EYA2: variants seen among roughly 807,000 people sequenced by gnomAD.
The protein encoded by EYA2 is protein phosphatase EYA2.
In EYA2, 31 loss-of-function variants were observed where a neutral mutation model predicts 69.2. The ratio of observed to expected loss-of-function variants is 0.45; its 90% CI spans 0.34 to 0.60. The LOEUF (loss-of-function observed/expected upper bound fraction) is 0.60, where lower values mean the gene tolerates loss of function less well. Among genes scored for constraint, EYA2 ranks in the 20% least tolerant of loss-of-function variants. The probability of loss-of-function intolerance (pLI) is 0.02; values close to 1 mark genes in which losing one functional copy is unlikely to be tolerated. For missense variants in EYA2, 622 were observed against 701.2 expected (o/e 0.89, Z 1.28); for synonymous variants, 257 against 279.4 (o/e 0.92, Z 0.80).
intron 9 of EYA2, among the ~76,000 whole-genome samples, chr20:47,108,357 G>T (rs1006757365): frequency 1.3e-5 from 2 of 152,060 alleles, no homozygotes; most frequent in Non-Finnish European, 2.9e-5. Flanking sequence ...CATGTGATCT[G>T]CACATGCTGG....
At chr20:47,029,385 G>A (rs1017374821) in intron 5 of EYA2, among the ~76,000 whole-genome samples, 1 of 152,242 alleles carries the variant, frequency 6.6e-6, no homozygotes, top group African/African-American at 2.4e-5. Context: ...TACTTTGATG[G>A]GCAGCCATGG....
At chr20:47,062,484 G>A (rs2030930188) in intron 5 of EYA2, among the ~76,000 whole-genome samples, 1 of 152,200 alleles carries the variant, frequency 6.6e-6, no homozygotes, top group East Asian at 1.9e-4. Flanking sequence ...GGAAGGCATG[G>A]CATCAGGCTC....
Position 47,068,158 on chromosome 20 carries a change from C to A in EYA2, c.416-4027C>A, listed in dbSNP as rs557330974. Among the ~76,000 whole-genome samples, 22 of 152,344 alleles carry A rather than the reference C, an allele frequency of 1.4e-4. No individual in the cohort carries two copies. The South Asian group carries it at 2.5e-3, about 17-fold the overall frequency. ...GAACATGGGAATGGCAATTATATAC[C>A]TTCCTCTCAGGATCGATGTGAGGAT... On this transcript the variant is annotated intron_variant, in intron 5 of 15. Coordinates refer to ENST00000327619, the MANE Select transcript of EYA2 (RefSeq NM_005244.5).
intron 3 of EYA2, 81 bp downstream of exon 3, chr20:47,001,554 C>G (rs1224991242): frequency 7.0e-7 from 1 of 1,429,406 alleles, no homozygotes; most frequent in African/African-American, 1.4e-5. Context: ...AGAGAGGGCC[C>G]TGGAGCCAGA....
chr20:47,057,908 C>T (rs960535069), intron 5 of EYA2, among the ~76,000 whole-genome samples: 2 of 152,206 alleles, frequency 1.3e-5, no homozygotes, highest in African/African-American at 2.4e-5. Context: ...CCTGCTCCAC[C>T]CCTTCCCAGG....
chr20:47,089,442 G>C (rs2032004983), intron 8 of EYA2, 61 bp downstream of exon 8: 1 of 1,541,652 alleles, frequency 6.5e-7, no homozygotes. Flanking sequence ...GCCCAAACAA[G>C]AGTGGGGACA....
Position 47,135,841 on chromosome 20 carries a change from ACAAACAAAC to A in EYA2, c.889-7217_889-7209del, listed in dbSNP as rs749552327. ...TACAAAAAAAAAAAAAAAAAAAAAA[ACAAACAAAC>A]AAACAAAAAACTAATTAATTAATTA... On this transcript the variant is annotated intron_variant, in intron 9 of 15. Coordinates refer to ENST00000327619, the MANE Select transcript of EYA2 (RefSeq NM_005244.5). Among the ~76,000 whole-genome samples the A allele has an allele frequency of 1.6e-3, 135 of 82,232 alleles. 9 individuals carry two copies. The highest frequency in any genetic ancestry group is 7.1e-3 in the African/African-American group (121 of 17,112). 53.9% of individuals were successfully genotyped at this position (82,232 alleles called of 152,430 possible).
At chr20:47,016,860 C>T (rs779382031) in intron 5 of EYA2, among the ~76,000 whole-genome samples, 7 of 152,218 alleles carry the variant, frequency 4.6e-5, no homozygotes, top group African/African-American at 7.2e-5. Flanking sequence ...GGCGCAATCA[C>T]ACATGGCCTT....
In EYA2 at chr20:46,929,645, A is replaced by G. The variant is rs1392450960; in HGVS notation, c.-11+34658A>G. On this transcript the variant is annotated intron_variant, in intron 1 of 15. Coordinates refer to ENST00000327619, the MANE Select transcript of EYA2 (RefSeq NM_005244.5). Reference sequence around the variant, plus strand: ...ACACAGGACTTGAGCAGAGGCTCATAAACACTGGGCCTTGTGCAGGGTCCG... The same window carrying G: ...ACACAGGACTTGAGCAGAGGCTCATGAACACTGGGCCTTGTGCAGGGTCCG... 2.6e-5 allele frequency among the ~76,000 whole-genome samples: 4 copies of G among 152,218 alleles called. No individual in the cohort carries two copies. In the East Asian group the frequency reaches 7.7e-4, roughly 29 times the overall value.
At chr20:46,920,655 C>T (rs1018075218) in intron 1 of EYA2, among the ~76,000 whole-genome samples, 1 of 152,234 alleles carries the variant, frequency 6.6e-6, no homozygotes, top group Non-Finnish European at 1.5e-5. Context: ...TCCCCTCTGA[C>T]TTCTTTCCAA....
intron 1 of EYA2, among the ~76,000 whole-genome samples, chr20:46,987,958 CTCTCTCTATATATATA>C (rs1981370049): frequency 3.0e-5 from 1 of 33,778 alleles, no homozygotes; most frequent in South Asian, 1.4e-3. Flanking sequence ...CTCTCTCTCT[CTCTCTCTATATATATA>C]TATATATATA....
intron 9 of EYA2, among the ~76,000 whole-genome samples, chr20:47,138,373 T>C (rs2033524584): frequency 6.6e-6 from 1 of 152,236 alleles, no homozygotes; most frequent in East Asian, 1.9e-4. Context: ...TTCTAAAGGC[T>C]CATCATATAA....
chr20:46,896,180 G>C (rs1272987482), intron 1 of EYA2, among the ~76,000 whole-genome samples: 3 of 152,192 alleles, frequency 2.0e-5, no homozygotes, highest in African/African-American at 7.2e-5. Flanking sequence ...CAAACATCAT[G>C]TAAGAATTTG....
intron 2 of EYA2, among the ~76,000 whole-genome samples, chr20:46,991,813 C>T (rs898072091): frequency 6.6e-6 from 1 of 151,732 alleles, no homozygotes; most frequent in Non-Finnish European, 1.5e-5. Flanking sequence ...ATTAAAAATG[C>T]AAAAATTAGA....
At chr20:46,941,054 C>T (rs1280646359) in intron 1 of EYA2, among the ~76,000 whole-genome samples, 1 of 152,242 alleles carries the variant, frequency 6.6e-6, no homozygotes, top group Non-Finnish European at 1.5e-5. Flanking sequence ...CTTCCCAGAG[C>T]CCGAGCCTGC....
At chr20:47,185,401 A>G (rs2868848) in intron 15 of EYA2, among the ~76,000 whole-genome samples, 3 of 148,086 alleles carry the variant, frequency 2.0e-5, no homozygotes, top group South Asian at 4.3e-4. Flanking sequence ...CCCAGGTTCA[A>G]GCGATTCTTG....
intron 1 of EYA2, 98 bp from the exon 2 acceptor site, chr20:46,989,903 T>C (rs1312676269): frequency 1.7e-6 from 1 of 595,464 alleles, no homozygotes; most frequent in African/African-American, 1.8e-5. Flanking sequence ...GTTTAGGTAA[T>C]CAGTTGTAAT....
chr20:46,973,250 A>G (rs1368321268), intron 1 of EYA2, among the ~76,000 whole-genome samples: 1 of 152,250 alleles, frequency 6.6e-6, no homozygotes, highest in Non-Finnish European at 1.5e-5. Context: ...CACCGTGAAC[A>G]GGCAGACAGA....
intron 5 of EYA2, among the ~76,000 whole-genome samples, chr20:47,059,064 G>A (rs942950738): frequency 6.6e-6 from 1 of 152,306 alleles, no homozygotes; most frequent in African/African-American, 2.4e-5. Flanking sequence ...GAGTGATGGG[G>A]AATGACAGGA....
Sources: allele counts gnomAD v4.1 joint callset (sites outside exome capture counted in the v4.1 genomes callset), GRCh38; gene constraint gnomAD v4.1.1; transcripts MANE v1.5; gene names NCBI Gene and HGNC (gene_info 2026-07-23, HGNC 2026-07-21).